The following FANCC variants were observed in gnomAD, a reference collection of about 807,000 sequenced individuals.
FANCC encodes FA complementation group C.
FANCC carries 55 observed loss-of-function variants against 71.3 expected under a neutral mutation model. The ratio of observed to expected loss-of-function variants is 0.77; its 90% CI spans 0.62 to 0.97. The LOEUF (loss-of-function observed/expected upper bound fraction) is 0.97. FANCC is among the 50% of genes least tolerant of loss of function. The pLI, the probability that FANCC is intolerant of heterozygous loss-of-function variation, is 0.00. For synonymous variants in FANCC, 275 were observed against 244.9 expected (o/e 1.12, Z -1.15); for missense variants, 678 against 670.9 (o/e 1.01, Z -0.12).
At chr9:95,221,867 T>C (rs2121201) in intron 4 of FANCC, among the ~76,000 whole-genome samples, 3,407 of 152,178 alleles carry the variant, frequency 0.022, 134 homozygotes, top group African/African-American at 0.077. Flanking sequence ...ATGTGAGGTG[T>C]TGGTGAACAT....
At chr9:95,198,411 A>C (rs1435679739) in intron 4 of FANCC, among the ~76,000 whole-genome samples, 1 of 152,246 alleles carries the variant, frequency 6.6e-6, no homozygotes, top group East Asian at 1.9e-4. Context: ...TTTAGAGCCT[A>C]AAGCTGTTTT....
intron 6 of FANCC, among the ~76,000 whole-genome samples, chr9:95,156,847 A>G (rs1465245373): frequency 1.3e-5 from 2 of 152,376 alleles, no homozygotes; most frequent in Non-Finnish European, 1.5e-5. Flanking sequence ...GTCATTAATA[A>G]TAACAATTAA....
intron 1 of FANCC, among the ~76,000 whole-genome samples, chr9:95,289,394 CCA>C (rs1449326717): frequency 1.3e-5 from 2 of 152,014 alleles, no homozygotes; most frequent in Admixed American, 1.3e-4. Flanking sequence ...AACTGAAAAA[CCA>C]CACAACTGAA....
At chr9:95,204,483 A>G (rs1282908164) in intron 4 of FANCC, among the ~76,000 whole-genome samples, 1 of 152,230 alleles carries the variant, frequency 6.6e-6, no homozygotes, top group Non-Finnish European at 1.5e-5. Flanking sequence ...TGAGGGATTA[A>G]GAACTTTCAA....
chr9:95,203,632 C>G (rs543405116), intron 4 of FANCC, among the ~76,000 whole-genome samples: 7 of 152,168 alleles, frequency 4.6e-5, no homozygotes, highest in Admixed American at 4.6e-4. Flanking sequence ...TACTTGTAAT[C>G]AAGCCTCAGA....
chr9:95,125,609 A>C (rs939112017), intron 9 of FANCC, among the ~76,000 whole-genome samples: 1 of 152,222 alleles, frequency 6.6e-6, no homozygotes, highest in African/African-American at 2.4e-5. Flanking sequence ...TTTCGCTTCC[A>C]TGCATTATTG....
intron 4 of FANCC, among the ~76,000 whole-genome samples, chr9:95,209,390 C>T (rs1265148910): frequency 6.6e-6 from 1 of 152,142 alleles, no homozygotes; most frequent in South Asian, 2.1e-4. Flanking sequence ...TGAATGATAA[C>T]GATGTGTCAG....
intron 1 of FANCC, among the ~76,000 whole-genome samples, chr9:95,289,220 T>C (rs1379302095): frequency 1.3e-5 from 2 of 152,208 alleles, no homozygotes; most frequent in Non-Finnish European, 2.9e-5. Flanking sequence ...AATTTTTTTC[T>C]GAACTTTTAA....
chr9:95,286,051 T>G (rs1252394654), intron 1 of FANCC, among the ~76,000 whole-genome samples: 1 of 152,248 alleles, frequency 6.6e-6, no homozygotes, highest in Non-Finnish European at 1.5e-5. Flanking sequence ...AAACTGCTTA[T>G]GTTAGACTTA....
chr9:95,303,829 C>T (rs927518166), intron 1 of FANCC, among the ~76,000 whole-genome samples: 1 of 152,264 alleles, frequency 6.6e-6, no homozygotes, highest in Non-Finnish European at 1.5e-5. Context: ...ACAATTCAGC[C>T]CATAACACAA....
chr9:95,269,373 C>G (rs1832589872), intron 1 of FANCC, among the ~76,000 whole-genome samples: 4 of 152,124 alleles, frequency 2.6e-5, no homozygotes, highest in Admixed American at 2.6e-4. Flanking sequence ...TTTACAAACT[C>G]GTTGAAAGAT....
intron 14 of FANCC, among the ~76,000 whole-genome samples, chr9:95,106,064 A>G (rs527691092): frequency 6.6e-5 from 10 of 152,266 alleles, no homozygotes; most frequent in African/African-American, 2.4e-4. Context: ...CAGTAGCTGC[A>G]CGACGTTAAT....
rs1834201661 is a variant in FANCC at position 95,293,746 on chromosome 9, C to T, written c.-79+23780G>A. 6 of 1,613,812 alleles carry T rather than the reference C, an allele frequency of 3.7e-6. No homozygotes were observed. The Admixed American group carries it at 1.0e-4, about 27-fold the overall frequency. ...ACATTTTTGCCCAGCTCTAAGGTAA[C>T]TTCATCTATAGCTGCTCAGACTGAT... On this transcript the variant is annotated intron_variant, in intron 1 of 14. Coordinates refer to ENST00000289081, the MANE Select transcript of FANCC (RefSeq NM_000136.3).
intron 6 of FANCC, among the ~76,000 whole-genome samples, chr9:95,150,772 A>C (rs1830129780): frequency 1.3e-5 from 2 of 151,526 alleles, no homozygotes; most frequent in South Asian, 4.2e-4. Context: ...ATCTCCTTCC[A>C]CTCTTACCTT....
chr9:95,198,916 T>C (rs1827629770), intron 4 of FANCC, among the ~76,000 whole-genome samples: 1 of 151,940 alleles, frequency 6.6e-6, no homozygotes, highest in Non-Finnish European at 1.5e-5. Flanking sequence ...TTTTAAACTT[T>C]TTTTGTAGAG....
chr9:95,293,306 T>A, intron 1 of FANCC: 63 of 1,613,374 alleles, frequency 3.9e-5, no homozygotes, highest in Non-Finnish European at 5.3e-5. Context: ...AGCCGACTCC[T>A]CAGCCCAGCC....
chr9:95,120,748 C>T (rs2072810947), intron 10 of FANCC, among the ~76,000 whole-genome samples: 1 of 152,004 alleles, frequency 6.6e-6, no homozygotes. Flanking sequence ...TTTTTTTGTT[C>T]AATCTGACGT....
chr9:95,211,861 G>GAA (rs577133841), intron 4 of FANCC, among the ~76,000 whole-genome samples: 6 of 106,162 alleles, frequency 5.7e-5, no homozygotes, highest in Non-Finnish European at 1.0e-4. Context: ...TGAATGGTAA[G>GAA]AAAAAAAAAA....
intron 4 of FANCC, among the ~76,000 whole-genome samples, chr9:95,209,977 G>A (rs1828388913): frequency 6.6e-6 from 1 of 152,078 alleles, no homozygotes; most frequent in Non-Finnish European, 1.5e-5. Flanking sequence ...GTTTGTAACA[G>A]CAAAACCTGG....
Sources: gnomAD v4.1 joint callset for allele counts (sites outside exome capture counted in the v4.1 genomes callset) on GRCh38, gnomAD v4.1.1 for gene constraint, MANE v1.5 for transcripts, NCBI Gene and HGNC (gene_info 2026-07-23, HGNC 2026-07-21) for gene names.